MAST3: variants seen among roughly 807,000 people sequenced by gnomAD.
The protein encoded by MAST3 is microtubule associated serine/threonine kinase 3.
A neutral mutation model predicts 127.0 loss-of-function variants in MAST3; 43 were observed. The ratio of observed to expected loss-of-function variants is 0.34; its 90% CI spans 0.27 to 0.44. The LOEUF is 0.44. Ranked by LOEUF, MAST3 falls within the 20% of genes least tolerant of loss-of-function variation. The probability of loss-of-function intolerance (pLI) is 1.00; values close to 1 mark genes in which losing one functional copy is unlikely to be tolerated. For synonymous variants in MAST3, 785 were observed against 809.2 expected (o/e 0.97, Z 0.51); for missense variants, 1,390 against 1,919.1 (o/e 0.72, Z 5.15).
chr19:18,122,410 G>A (rs1215068553), intron 5 of MAST3, among the ~76,000 whole-genome samples: 1 of 150,448 alleles, frequency 6.6e-6, no homozygotes, highest in South Asian at 2.2e-4. Context: ...GTCAATGTGT[G>A]CCCCAGAAGC....
At chr19:18,138,938 C>G (rs1372544281) in intron 19 of MAST3, 77 bp from the exon 20 acceptor site, 1 of 972,462 alleles carries the variant, frequency 1.0e-6, no homozygotes, top group Non-Finnish European at 1.6e-6. Flanking sequence ...CCTGAGATGC[C>G]CTCCCCGTAT....
intron 15 of MAST3, 51 bp downstream of exon 15, chr19:18,132,098 G>T (rs2147408652): frequency 6.2e-7 from 1 of 1,602,480 alleles, no homozygotes; most frequent in South Asian, 1.1e-5. Flanking sequence ...GGCCAGAGAG[G>T]ATCAGGGGCG....
chr19:18,107,075 C>A (rs1263342943), intron 1 of MAST3, among the ~76,000 whole-genome samples: 8 of 148,046 alleles, frequency 5.4e-5, no homozygotes, highest in Admixed American at 3.5e-4. Context: ...CTTGGCCTCC[C>A]AAAGTGCCAG....
At position 18,112,068 on chromosome 19, in the gene MAST3, G is replaced by A. The variant is rs1439905839; in HGVS notation, c.161+1327G>A. ...GACAGGGACCTCTTGGGGAGGTGAT[G>A]TTTGAGCCAAGGCCTGGGCACAGCT... On this transcript the variant is annotated intron_variant, in intron 3 of 27. Coordinates refer to ENST00000687212, the MANE Select transcript of MAST3 (RefSeq NM_001393504.1). The surrounding 1 kb of genome is among the most constrained non-coding windows in gnomAD (Gnocchi z 4.1). Among the ~76,000 whole-genome samples, 2 of 152,254 alleles carry A rather than the reference G, an allele frequency of 1.3e-5. No individual in the cohort carries two copies. Among genetic ancestry groups the A allele is most frequent in the Non-Finnish European group, 2.9e-5 (2 of 68,042 alleles).
intron 11 of MAST3, among the ~76,000 whole-genome samples, chr19:18,125,262 G>C (rs2040478727): frequency 6.6e-6 from 1 of 152,174 alleles, no homozygotes; most frequent in African/African-American, 2.4e-5. Flanking sequence ...TGGGGCCCAG[G>C]GGCCTCAGTG....
At chr19:18,136,809 TTTG>T (rs35705741) in intron 18 of MAST3, among the ~76,000 whole-genome samples, 67 of 151,308 alleles carry the variant, frequency 4.4e-4, no homozygotes, top group Non-Finnish European at 6.0e-4. Context: ...TTTCTGGTTC[TTTG>T]TTGTTGTTGT....
intron 19 of MAST3, among the ~76,000 whole-genome samples, chr19:18,138,561 G>A (rs1246417883): frequency 1.3e-5 from 2 of 151,992 alleles, no homozygotes; most frequent in East Asian, 1.9e-4. Flanking sequence ...GCAGTGGTGC[G>A]ATTTCGACTC....
chr19:18,134,879 A>G lies in MAST3; in HGVS notation c.1767A>G (p.Pro589=), dbSNP rs371411318. The G allele has an allele frequency of 6.2e-7, 1 of 1,613,888 alleles. No individual in the cohort carries two copies. Among genetic ancestry groups the G allele is most frequent in the African/African-American group, 1.3e-5 (1 of 74,912 alleles). ...EVIFRQGYGK[P]VDWWAMGVVL... Reference sequence around the variant, plus strand: ...TCTTCCGCCAGGGCTATGGGAAGCCAGTGGACTGGTGGGCCATGGGCGTCG... The same window carrying G: ...TCTTCCGCCAGGGCTATGGGAAGCCGGTGGACTGGTGGGCCATGGGCGTCG... Residue 589 remains proline (P), a synonymous_variant, in exon 17 of 28, where the codon CCA becomes CCG. Coordinates refer to ENST00000687212, the MANE Select transcript of MAST3 (RefSeq NM_001393504.1).
At chr19:18,140,172 G>T (rs1026247227) in intron 20 of MAST3, among the ~76,000 whole-genome samples, 1 of 151,990 alleles carries the variant, frequency 6.6e-6, no homozygotes, top group African/African-American at 2.4e-5. Context: ...TTGAGGTCAG[G>T]AGTTCAAGAC....
intron 1 of MAST3, among the ~76,000 whole-genome samples, chr19:18,105,701 A>C (rs1235903635): frequency 1.3e-5 from 2 of 152,062 alleles, no homozygotes; most frequent in Non-Finnish European, 2.9e-5. Context: ...AACAAAAAAA[A>C]ACCCTCTTGG....
intron 1 of MAST3, among the ~76,000 whole-genome samples, chr19:18,101,779 G>A (rs967790071): frequency 6.6e-6 from 1 of 151,470 alleles, no homozygotes; most frequent in Admixed American, 6.6e-5. Flanking sequence ...AGCCTCCTGA[G>A]TAGCTGGATT....
chr19:18,111,044 C>T (rs1221996356), intron 3 of MAST3, among the ~76,000 whole-genome samples: 2 of 152,178 alleles, frequency 1.3e-5, no homozygotes, highest in African/African-American at 4.8e-5. Context: ...GCACTCCCTG[C>T]TGAATTGGCC....
intron 1 of MAST3, among the ~76,000 whole-genome samples, chr19:18,104,664 G>A (rs1193699414): frequency 6.6e-6 from 1 of 152,018 alleles, no homozygotes; most frequent in African/African-American, 2.4e-5. Flanking sequence ...GTGTGTGGAG[G>A]GAGGGTGTCC....
At chr19:18,133,143 G>A (rs1048864847) in intron 15 of MAST3, among the ~76,000 whole-genome samples, 2 of 151,476 alleles carry the variant, frequency 1.3e-5, no homozygotes, top group Non-Finnish European at 2.9e-5. Flanking sequence ...GCATTTTGCA[G>A]TTGGCAAGTG....
At chr19:18,136,599 AGAGACGAAATT>A (rs970975495) in intron 18 of MAST3, among the ~76,000 whole-genome samples, 9 of 151,942 alleles carry the variant, frequency 5.9e-5, no homozygotes, top group East Asian at 1.9e-4. Flanking sequence ...TACTTTTGGT[AGAGACGAAATT>A]GAGACGAAAT....
rs1276326598 is a variant in MAST3, at chr19:18,149,468, T to C, written c.3786T>C (p.Ala1262=). The part of the protein sequence containing the change: ...RSPRLRRGQS[A]DKLGTGERLD... ...CGCGGCTGCGCCGGGGCCAGTCAGCTGACAAGCTGGGCACAGGGGAGCGGC... is the reference window on the plus strand; with the variant it reads ...CGCGGCTGCGCCGGGGCCAGTCAGCCGACAAGCTGGGCACAGGGGAGCGGC... Residue 1262 remains alanine (A), a synonymous_variant, in exon 28 of 28, where the codon GCT becomes GCC. Transcript: ENST00000687212. The surrounding 1 kb of genome is among the most constrained non-coding windows in gnomAD (Gnocchi z 5.9). 5 of 1,540,062 alleles carry C rather than the reference T, an allele frequency of 3.2e-6. No individual in the cohort carries two copies. Among genetic ancestry groups the C allele is most frequent in the Non-Finnish European group, 3.5e-6 (4 of 1,143,476 alleles).
At chr19:18,114,309 C>T (rs1407545163) in intron 3 of MAST3, among the ~76,000 whole-genome samples, 1 of 151,836 alleles carries the variant, frequency 6.6e-6, no homozygotes, top group Admixed American at 6.6e-5. Flanking sequence ...CCTGCCTCAG[C>T]CTCGAGAGTA....
chr19:18,138,977 G>C, intron 19 of MAST3, 38 bp from the exon 20 acceptor site: 1 of 1,364,396 alleles, frequency 7.3e-7, no homozygotes, highest in Non-Finnish European at 1.0e-6. Flanking sequence ...ATCATCTCTG[G>C]GCATCAGGCG....
chr19:18,131,458 T>C (rs1470562703), intron 14 of MAST3, among the ~76,000 whole-genome samples: 2 of 139,856 alleles, frequency 1.4e-5, no homozygotes, highest in African/African-American at 5.2e-5. Flanking sequence ...CTCAGCACTT[T>C]GGGAGGCCAA....
Sources: allele counts gnomAD v4.1 joint callset (sites outside exome capture counted in the v4.1 genomes callset), GRCh38; gene constraint gnomAD v4.1.1; non-coding constraint Gnocchi (gnomAD v3.1); transcripts MANE v1.5; gene names NCBI Gene and HGNC (gene_info 2026-07-23, HGNC 2026-07-21).